RANBP2: variants seen among roughly 807,000 people sequenced by gnomAD.
RANBP2 encodes the protein RAN binding protein 2.
A neutral mutation model predicts 303.6 loss-of-function variants in RANBP2; 57 were observed. The observed-to-expected ratio is 0.19, with a 90% CI of 0.15 to 0.23. RANBP2 has a LOEUF of 0.23. Ranked by LOEUF, RANBP2 falls within the 10% of genes least tolerant of loss-of-function variation. RANBP2 has a pLI of 1.00. For synonymous variants in RANBP2, 1,167 were observed against 1,301.5 expected (o/e 0.90, Z 2.23); for missense variants, 3,138 against 3,780.8 (o/e 0.83, Z 4.46).
the RANBP2 span, among the ~76,000 whole-genome samples, chr2:109,536,659 T>G: frequency 3.3e-5 from 5 of 152,078 alleles, no homozygotes; most frequent in Admixed American, 3.3e-4. Flanking sequence ...CATGATTGGT[T>G]TTGAAATGTG....
chr2:108,859,928 C>T, the RANBP2 span, among the ~76,000 whole-genome samples: 1 of 151,916 alleles, frequency 6.6e-6, no homozygotes, highest in Non-Finnish European at 1.5e-5. Flanking sequence ...TTCTTCCAAT[C>T]CTTGAGCATG....
chr2:108,752,256 G>A (rs1230021942), intron 12 of RANBP2, among the ~76,000 whole-genome samples: 4 of 149,988 alleles, frequency 2.7e-5, no homozygotes, highest in Admixed American at 2.0e-4. Flanking sequence ...TATTCAGCCT[G>A]AAAATTAAAA....
the RANBP2 span, among the ~76,000 whole-genome samples, chr2:108,932,679 T>C: frequency 6.6e-6 from 1 of 152,100 alleles, no homozygotes; most frequent in Non-Finnish European, 1.5e-5. Context: ...AATCTTCTTT[T>C]CCAAATCCCC....
the RANBP2 span, among the ~76,000 whole-genome samples, chr2:108,942,527 G>A: frequency 2.0e-4 from 31 of 152,258 alleles, no homozygotes; most frequent in Non-Finnish European, 3.1e-4. Context: ...CCACGGCGAC[G>A]GCAGGGGCCA....
At chr2:109,046,574 A>C in the RANBP2 span, among the ~76,000 whole-genome samples, 3 of 151,328 alleles carry the variant, frequency 2.0e-5, no homozygotes, top group Non-Finnish European at 3.0e-5. Context: ...ACCCGGCTAA[A>C]TTTGTATTTT....
chr2:109,305,911 T>G, the RANBP2 span, among the ~76,000 whole-genome samples: 1 of 152,200 alleles, frequency 6.6e-6, no homozygotes, highest in Non-Finnish European at 1.5e-5. Context: ...AGCTCTGCCC[T>G]TTGGGCTGCT....
At chr2:109,330,151 A>G in the RANBP2 span, among the ~76,000 whole-genome samples, 1 of 152,352 alleles carries the variant, frequency 6.6e-6, no homozygotes, top group South Asian at 2.1e-4. Flanking sequence ...GCTGTGAGAT[A>G]CTTAGAGGGA....
At chr2:108,915,907 AT>A in the RANBP2 span, among the ~76,000 whole-genome samples, 7 of 152,088 alleles carry the variant, frequency 4.6e-5, no homozygotes, top group African/African-American at 1.7e-4. Flanking sequence ...CAAAAAAAAA[AT>A]AAAAAATAAA....
chr2:109,539,391 T>C, the RANBP2 span, among the ~76,000 whole-genome samples: 2 of 152,142 alleles, frequency 1.3e-5, no homozygotes, highest in Admixed American at 6.5e-5. Context: ...GAATGGAACA[T>C]TCTACCACCC....
At chr2:109,349,950 GTACTAGA>G in the RANBP2 span, among the ~76,000 whole-genome samples, 2 of 152,238 alleles carry the variant, frequency 1.3e-5, no homozygotes, top group African/African-American at 4.8e-5. Flanking sequence ...TCTGTGTCGG[GTACTAGA>G]CCTGCTGCTC....
the RANBP2 span, among the ~76,000 whole-genome samples, chr2:109,704,626 G>T: frequency 6.6e-6 from 1 of 152,040 alleles, no homozygotes; most frequent in South Asian, 2.1e-4. Flanking sequence ...GAGGCAGGTG[G>T]ATCACCTGAG....
the RANBP2 span, among the ~76,000 whole-genome samples, chr2:109,138,415 T>C: frequency 1.0e-3 from 154 of 152,352 alleles, no homozygotes; most frequent in African/African-American, 3.6e-3. Flanking sequence ...CTTGGGAGTT[T>C]AGCTGTAAAA....
At chr2:109,657,014 A>G in the RANBP2 span, among the ~76,000 whole-genome samples, 1 of 152,200 alleles carries the variant, frequency 6.6e-6, no homozygotes, top group Non-Finnish European at 1.5e-5. Context: ...TTATTTCAAC[A>G]ATTGGGCCAA....
At chr2:109,490,405 A>G in the RANBP2 span, among the ~76,000 whole-genome samples, 3 of 152,150 alleles carry the variant, frequency 2.0e-5, no homozygotes, top group Admixed American at 1.3e-4. Context: ...ACCCGTGGGA[A>G]CTGGGGTTCA....
the RANBP2 span, chr2:109,501,521 G>T: frequency 1.3e-6 from 1 of 778,650 alleles, no homozygotes; most frequent in East Asian, 2.4e-5. Flanking sequence ...TGGTGGTCTC[G>T]TACCCACCCC....
the RANBP2 span, chr2:108,816,003 T>A: frequency 6.2e-7 from 1 of 1,613,740 alleles, no homozygotes; most frequent in African/African-American, 1.3e-5. Context: ...TTTCGGATCA[T>A]CATCTTAGCA....
chr2:109,138,494 C>T, the RANBP2 span, among the ~76,000 whole-genome samples: 3 of 152,214 alleles, frequency 2.0e-5, no homozygotes, highest in Non-Finnish European at 4.4e-5. Flanking sequence ...GCTGCATTTG[C>T]TGGCAAAGTG....
At chr2:109,498,376 G>A in the RANBP2 span, among the ~76,000 whole-genome samples, 1 of 152,138 alleles carries the variant, frequency 6.6e-6, no homozygotes, top group Non-Finnish European at 1.5e-5. Flanking sequence ...TCCTCCTCTT[G>A]CCAGCCTGGT....
At chr2:108,972,050 C>A in the RANBP2 span, among the ~76,000 whole-genome samples, 9 of 152,292 alleles carry the variant, frequency 5.9e-5, no homozygotes, top group South Asian at 1.7e-3. Flanking sequence ...TGGCCTGGCC[C>A]GCAGATGTTG....
Sources: gnomAD v4.1 joint callset for allele counts (sites outside exome capture counted in the v4.1 genomes callset) on GRCh38, gnomAD v4.1.1 for gene constraint, MANE v1.5 for transcripts, NCBI Gene and HGNC (gene_info 2026-07-23, HGNC 2026-07-21) for gene names.